The following BABAM2 variants were observed in gnomAD, a reference collection of about 807,000 sequenced individuals.
The protein encoded by BABAM2 is BRISC and BRCA1 A complex member 2, also known as BRISC and BRCA1-A complex member 2.
BABAM2 carries 31 observed loss-of-function variants against 54.7 expected under a neutral mutation model. The observed-to-expected ratio is 0.57, with a 90% CI of 0.43 to 0.77. The LOEUF is 0.77. Ranked by LOEUF, BABAM2 falls within the 30% of genes least tolerant of loss-of-function variation. BABAM2 has a pLI of 0.00. For missense variants in BABAM2, 364 were observed against 455.8 expected (o/e 0.80, Z 1.83); for synonymous variants, 167 against 162.9 (o/e 1.03, Z -0.19).
intron 3 of BABAM2, among the ~76,000 whole-genome samples, chr2:27,957,818 C>T (rs1197063452): frequency 6.6e-6 from 1 of 152,016 alleles, no homozygotes; most frequent in African/African-American, 2.4e-5. Flanking sequence ...CTTATTATGC[C>T]GTATGACTTT....
chr2:28,234,561 T>C (rs1681728163), intron 7 of BABAM2, among the ~76,000 whole-genome samples: 1 of 152,222 alleles, frequency 6.6e-6, no homozygotes, highest in Admixed American at 6.5e-5. Flanking sequence ...TCAAAGCCTA[T>C]TACTGTCAAC....
chr2:27,977,512 G>A (rs1671686573), intron 3 of BABAM2, among the ~76,000 whole-genome samples: 1 of 152,172 alleles, frequency 6.6e-6, no homozygotes, highest in Non-Finnish European at 1.5e-5. Flanking sequence ...ACATAAAAAT[G>A]TTAGGGCTTT....
chr2:28,337,992 A>G (rs573976618), intron 11 of BABAM2, among the ~76,000 whole-genome samples: 7 of 152,308 alleles, frequency 4.6e-5, no homozygotes, highest in Non-Finnish European at 7.4e-5. Context: ...GTCTCTAAAA[A>G]AATCAAATGT....
At chr2:28,147,694 C>T (rs988636691) in intron 7 of BABAM2, among the ~76,000 whole-genome samples, 6 of 152,088 alleles carry the variant, frequency 3.9e-5, no homozygotes, top group African/African-American at 7.2e-5. Flanking sequence ...AGGATGGTCT[C>T]GATCTCCTGA....
At chr2:28,026,185 G>A (rs532459831) in intron 5 of BABAM2, among the ~76,000 whole-genome samples, 2 of 152,104 alleles carry the variant, frequency 1.3e-5, no homozygotes, top group Admixed American at 1.3e-4. Flanking sequence ...GATTCCTCAA[G>A]AATCTAGAAC....
rs751576062 is a variant in BABAM2 at position 28,025,352 on chromosome 2, C to T, written c.427C>T (p.Gln143Ter). 1 of 1,612,294 alleles carries T rather than the reference C, an allele frequency of 6.2e-7. No individual in the cohort carries two copies. The highest frequency in any genetic ancestry group is 1.3e-5 in the African/African-American group (1 of 74,848). Residue 143 changes from glutamine to a stop codon, truncating the protein, a stop_gained, in exon 5 of 12, where the codon CAG becomes TAG. Coordinates refer to ENST00000379624, the MANE Select transcript of BABAM2 (RefSeq NM_199191.3). LOFTEE classifies it high-confidence loss of function. ...GAGCTCCCGCCTCATGTTTGAATAC[C>T]AGACATTACTGGAGGAGCCACAGTA... ...RESSRLMFEY[Q>*]TLLEEPQYGE...
At chr2:28,127,605 T>G (rs941308263) in intron 6 of BABAM2, among the ~76,000 whole-genome samples, 1 of 152,164 alleles carries the variant, frequency 6.6e-6, no homozygotes, top group South Asian at 2.1e-4. Flanking sequence ...AGACTTGTGG[T>G]TCTTGTCCCT....
chr2:28,328,741 A>G (rs1237034339), intron 11 of BABAM2, among the ~76,000 whole-genome samples: 1 of 152,016 alleles, frequency 6.6e-6, no homozygotes, highest in African/African-American at 2.4e-5. Context: ...TCTTAACTAA[A>G]CTTGCTAAGC....
At chr2:28,272,213 C>A (rs957938050) in intron 10 of BABAM2, among the ~76,000 whole-genome samples, 2 of 152,204 alleles carry the variant, frequency 1.3e-5, no homozygotes, top group Non-Finnish European at 2.9e-5. Context: ...ATGTTCAGAA[C>A]TTCAATTCAA....
chr2:28,164,081 A>G (rs1191374588), intron 7 of BABAM2, among the ~76,000 whole-genome samples: 3 of 152,232 alleles, frequency 2.0e-5, no homozygotes, highest in Non-Finnish European at 4.4e-5. Flanking sequence ...AACTTGTTGC[A>G]CTTAACATCT....
In BABAM2 at chr2:28,325,437, A is replaced by G. The variant is rs80205200; in HGVS notation, c.1089-13013A>G. Among the ~76,000 whole-genome samples, 945 of 152,280 alleles carry G rather than the reference A, an allele frequency of 6.2e-3. 7 individuals are homozygous for G. The highest frequency in any genetic ancestry group is 0.022 in the African/African-American group (911 of 41,552). On this transcript the variant is annotated intron_variant, in intron 11 of 11. Coordinates refer to ENST00000379624, the MANE Select transcript of BABAM2 (RefSeq NM_199191.3). This position sits in a 1 kb window ranked among gnomAD's most constrained non-coding sequence, Gnocchi z 4.3. ...GACGTTCTGTCATCTGCCAGCCTGC[A>G]TGGAACTTCCCCACACCCTACCCCA...
At chr2:27,890,369 C>T, upstream of BABAM2, 18 of 1,607,278 alleles carry the variant, frequency 1.1e-5, no homozygotes, top group Non-Finnish European at 1.5e-5. This position sits in a 1 kb window ranked among gnomAD's most constrained non-coding sequence, Gnocchi z 4.8. Context: ...TGCTGTCCAA[C>T]CTGGACGGTG....
At chr2:28,107,206 G>A (rs1667601328) in intron 6 of BABAM2, among the ~76,000 whole-genome samples, 1 of 152,036 alleles carries the variant, frequency 6.6e-6, no homozygotes, top group Non-Finnish European at 1.5e-5. Context: ...GCTTCTCTAT[G>A]TGAACATCTT....
intron 10 of BABAM2, among the ~76,000 whole-genome samples, chr2:28,253,401 C>CAAA (rs374215052): frequency 1.6e-5 from 2 of 128,822 alleles, no homozygotes; most frequent in African/African-American, 5.6e-5. Context: ...GACTTTGTCT[C>CAAA]AAAAAAAAAA....
intron 7 of BABAM2, among the ~76,000 whole-genome samples, chr2:28,210,346 T>C (rs1430520999): frequency 6.6e-6 from 1 of 152,186 alleles, no homozygotes; most frequent in Non-Finnish European, 1.5e-5. Flanking sequence ...AAACAACATA[T>C]GAAGTGCTAA....
At chr2:28,333,603 T>C (rs926486042) in intron 11 of BABAM2, among the ~76,000 whole-genome samples, 1 of 152,240 alleles carries the variant, frequency 6.6e-6, no homozygotes, top group African/African-American at 2.4e-5. Flanking sequence ...GACCGAGTTG[T>C]AATTTTATGA....
intron 3 of BABAM2, among the ~76,000 whole-genome samples, chr2:27,932,168 A>C (rs1668142511): frequency 6.6e-6 from 1 of 152,104 alleles, no homozygotes; most frequent in Admixed American, 6.6e-5. Context: ...ACTTGCTCAG[A>C]TTCTATTCCT....
chr2:28,185,892 A>T (rs1676232823), intron 7 of BABAM2, among the ~76,000 whole-genome samples: 2 of 152,282 alleles, frequency 1.3e-5, no homozygotes, highest in South Asian at 4.1e-4. Flanking sequence ...TATCTTTTTC[A>T]TAAAAGTTAT....
At chr2:28,211,829 A>G (rs993776180) in intron 7 of BABAM2, among the ~76,000 whole-genome samples, 2 of 152,262 alleles carry the variant, frequency 1.3e-5, no homozygotes, top group Non-Finnish European at 2.9e-5. Context: ...TTGTATCACA[A>G]TACTGATATT....
Sources: gnomAD v4.1 joint callset for allele counts (sites outside exome capture counted in the v4.1 genomes callset) on GRCh38, gnomAD v4.1.1 for gene constraint, Gnocchi (gnomAD v3.1) non-coding constraint, MANE v1.5 for transcripts, NCBI Gene and HGNC (gene_info 2026-07-23, HGNC 2026-07-21) for gene names.